Variants in PKD1L3 observed in about 807,000 individuals in gnomAD.
PKD1L3 encodes polycystin 1 like 3, transient receptor potential channel interacting.
A neutral mutation model predicts 184.1 loss-of-function variants in PKD1L3; 239 were observed. The observed-to-expected ratio is 1.30, with a 90% confidence interval of 1.17 to 1.45. PKD1L3 has a LOEUF of 1.45. PKD1L3 is among the 40% of genes most tolerant of loss of function. The probability of loss-of-function intolerance (pLI) is 0.00; values close to 1 mark genes in which losing one functional copy is unlikely to be tolerated. For synonymous variants in PKD1L3, 996 were observed against 778.8 expected (o/e 1.28, Z -4.64); for missense variants, 2,660 against 2,067.2 (o/e 1.29, Z -5.56).
At chr16:71,971,095 A>T (rs920593611) in intron 12 of PKD1L3, among the ~76,000 whole-genome samples, 1 of 152,306 alleles carries the variant, frequency 6.6e-6, no homozygotes, top group Admixed American at 6.5e-5. Flanking sequence ...ATTCGGTGAA[A>T]GAATGAATTC....
rs547302170 is a variant in PKD1L3 at position 71,986,273 on chromosome 16, G to T, written c.782C>A (p.Pro261Gln). Reference sequence around the variant, plus strand: ...TTGTAGATAAGAGGTGAAGGTATTCGGATGACCTTCTTCCTTTGGGCTTGA... The same window carrying T: ...TTGTAGATAAGAGGTGAAGGTATTCTGATGACCTTCTTCCTTTGGGCTTGA... Reference protein sequence around the residue: ...TTSSPKEEGHPNTFTSYLQVS... With the variant: ...TTSSPKEEGHQNTFTSYLQVS... Residue 261 changes from proline (P) to glutamine (Q), a missense_variant, in exon 5 of 30, where the codon CCG becomes CAG. Transcript: ENST00000620267. 1.9e-6 allele frequency: 3 copies of T among 1,552,204 alleles called. No individual in the cohort carries two copies. Among genetic ancestry groups the T allele is most frequent in the African/African-American group, 1.4e-5 (1 of 73,144 alleles).
At chr16:71,936,415 C>T (rs2038178313) in intron 25 of PKD1L3, among the ~76,000 whole-genome samples, 1 of 151,642 alleles carries the variant, frequency 6.6e-6, no homozygotes, top group East Asian at 1.9e-4. Context: ...GTTGGCCAGG[C>T]TGGTCTTGAA....
chr16:71,952,822 A>C (rs1413981325), intron 18 of PKD1L3, 72 bp downstream of exon 18: 1 of 1,453,324 alleles, frequency 6.9e-7, no homozygotes, highest in Admixed American at 2.3e-5. Flanking sequence ...TGTGCAACAG[A>C]GCCAGACCCT....
Position 71,934,831 on chromosome 16 carries a change from G to A in PKD1L3, c.4613+527C>T, listed in dbSNP as rs150518224. Among the ~76,000 whole-genome samples, 1,030 of 152,292 alleles carry A rather than the reference G, an allele frequency of 6.8e-3. 2 individuals are homozygous for A. Among genetic ancestry groups the A allele is most frequent in the Non-Finnish European group, 0.01 (714 of 68,034 alleles). On this transcript the variant is annotated intron_variant, in intron 26 of 29. Coordinates refer to ENST00000620267, the MANE Select transcript of PKD1L3 (RefSeq NM_181536.2). The stretch of plus-strand genomic sequence containing the variant: ...ACCACCCAGGCTGTTGGCCACTGAT[G>A]CAAAGGTTAGCAAAGCACCACTTGG...
At chr16:71,972,996 G>A (rs1160423072) in intron 12 of PKD1L3, among the ~76,000 whole-genome samples, 1 of 152,208 alleles carries the variant, frequency 6.6e-6, no homozygotes, top group Non-Finnish European at 1.5e-5. Flanking sequence ...TTAGCAAGAG[G>A]TTTCATTTTA....
intron 28 of PKD1L3, among the ~76,000 whole-genome samples, chr16:71,933,112 A>G (rs1363233748): frequency 6.6e-6 from 1 of 152,126 alleles, no homozygotes; most frequent in Non-Finnish European, 1.5e-5. Context: ...TGAGAAGCAG[A>G]GAATCTTGTT....
Position 71,951,032 on chromosome 16 carries a change from C to T in PKD1L3, c.3190+532G>A, listed in dbSNP as rs185141633. Among the ~76,000 whole-genome samples the T allele has an allele frequency of 1.2e-4, 18 of 148,018 alleles. No individual in the cohort carries two copies. In the East Asian group the frequency reaches 2.6e-3, roughly 22 times the overall value. On this transcript the variant is annotated intron_variant, in intron 19 of 29. Transcript: ENST00000620267. Reference sequence around the variant, plus strand: ...TGCTGGGATTACAGGCGTGAGCCACCCTGCCCGACCTGTGTTTTTTTCTTT... The same window carrying T: ...TGCTGGGATTACAGGCGTGAGCCACTCTGCCCGACCTGTGTTTTTTTCTTT...
chr16:71,990,285 G>C lies in PKD1L3; in HGVS notation c.580C>G (p.His194Asp). 2 of 1,546,350 alleles carry C rather than the reference G, an allele frequency of 1.3e-6. No homozygotes were observed. Among genetic ancestry groups the C allele is most frequent in the Non-Finnish European group, 1.8e-6 (2 of 1,142,718 alleles). Residue 194 changes from histidine to aspartate, a missense_variant, in exon 4 of 30, where the codon CAT becomes GAT. Coordinates refer to ENST00000620267, the MANE Select transcript of PKD1L3 (RefSeq NM_181536.2). The stretch of plus-strand genomic sequence containing the variant: ...TTGTCAAGGGAAGCACTTACAAGAT[G>C]AGCAGGAAGAGGATAGTGACATGTG... Reference protein sequence around the residue: ...PTTCHYPLPAHLSKTLCHPIS... With the variant: ...PTTCHYPLPADLSKTLCHPIS...
chr16:71,977,241 T>C lies in PKD1L3; in HGVS notation c.1754A>G (p.Gln585Arg), dbSNP rs1318222350. ...GACAGCTGATTGGGTTTTACCTTTT[T>C]GCCACACCTTATCCTTTGGAAGGGT... ...NITLPKDKVW[Q>R]KDEEYTWVLN... The change falls in exon 11 of 30, where the codon CAA (glutamine) becomes CGA (arginine). Residue 585 changes from glutamine to arginine, a missense_variant. By Grantham distance (43) the Gln-to-Arg change is conservative (BLOSUM62 1). Coordinates refer to ENST00000620267, the MANE Select transcript of PKD1L3 (RefSeq NM_181536.2). 2 of 1,521,618 alleles carry C rather than the reference T, an allele frequency of 1.3e-6. No homozygotes were observed. Among genetic ancestry groups the C allele is most frequent in the East Asian group, 2.5e-5 (1 of 40,806 alleles). The allele number at this position is 1,521,618 out of a possible 1,614,324, so 94.3% of individuals were successfully genotyped here. A position where few individuals can be genotyped will look rare whatever the true frequency, so the allele number is the denominator to read the frequency against.
At chr16:71,966,637 G>A (rs1267874395) in intron 15 of PKD1L3, among the ~76,000 whole-genome samples, 1 of 151,924 alleles carries the variant, frequency 6.6e-6, no homozygotes, top group African/African-American at 2.4e-5. Flanking sequence ...TTCCTATGTA[G>A]CTCAGGCTGT....
intron 12 of PKD1L3, among the ~76,000 whole-genome samples, chr16:71,971,726 G>A (rs1301887014): frequency 6.6e-6 from 1 of 152,186 alleles, no homozygotes; most frequent in African/African-American, 2.4e-5. Flanking sequence ...TTAACAAACT[G>A]ATTATAGATT....
chr16:71,961,464 G>A (rs969042477), intron 16 of PKD1L3, among the ~76,000 whole-genome samples: 1 of 152,026 alleles, frequency 6.6e-6, no homozygotes, highest in South Asian at 2.1e-4. Flanking sequence ...GACATAAAAG[G>A]CTAAAGCCCC....
intron 16 of PKD1L3, among the ~76,000 whole-genome samples, chr16:71,958,217 C>G (rs573701975): frequency 6.9e-4 from 105 of 151,538 alleles, no homozygotes; most frequent in African/African-American, 2.3e-3. Context: ...GAAACCCCGT[C>G]TCTACTAAAA....
chr16:71,945,390 ATATATATATT>A (rs200033278), intron 22 of PKD1L3, among the ~76,000 whole-genome samples: 18,361 of 93,922 alleles, frequency 0.2, 1,613 homozygotes, highest in South Asian at 0.48. Context: ...ACACATATAT[ATATATATATT>A]TATTTATTTA....
rs1156916806 is a variant in PKD1L3 at position 71,949,887 on chromosome 16, T to TA, written c.3513dup (p.Thr1172TyrfsTer5). The TA allele has an allele frequency of 2.6e-6, 4 of 1,551,446 alleles. No homozygotes were observed. The highest frequency in any genetic ancestry group is 2.4e-5 in the East Asian group (1 of 40,924). ...CTCAATTCCAAGCTATAAAGTGCTGTAAAAAAGGCTGAAGCCAGGCTAGTG... is the reference window on the plus strand; with the variant it reads ...CTCAATTCCAAGCTATAAAGTGCTGTAAAAAAAGGCTGAAGCCAGGCTAGTG... On this transcript the variant is annotated frameshift_variant, in exon 21 of 30. Transcript: ENST00000620267. LOFTEE classifies it high-confidence loss of function.
intron 13 of PKD1L3, 32 bp downstream of exon 13, chr16:71,969,843 T>C: frequency 1.1e-5 from 17 of 1,519,898 alleles, no homozygotes; most frequent in Non-Finnish European, 1.5e-5. Context: ...CAAAACATCA[T>C]GGCAAATCTG....
chr16:71,960,084 C>T (rs1327018449), intron 16 of PKD1L3, among the ~76,000 whole-genome samples: 1 of 151,664 alleles, frequency 6.6e-6, no homozygotes, highest in Non-Finnish European at 1.5e-5. Flanking sequence ...ATCCATGTCA[C>T]AGCACTCCAG....
chr16:71,990,332 A>G lies in PKD1L3; in HGVS notation c.536-3T>C. Reference sequence around the variant, plus strand: ...TGTGGTTGGAAGATGACCAGGTCCTATAGAAAAAAGAAAGCAGACTAAGTT... The same window carrying G: ...TGTGGTTGGAAGATGACCAGGTCCTGTAGAAAAAAGAAAGCAGACTAAGTT... On this transcript the variant is annotated splice_region_variant and splice_polypyrimidine_tract_variant and intron_variant, in intron 3 of 29. Coordinates refer to ENST00000620267, the MANE Select transcript of PKD1L3 (RefSeq NM_181536.2). 4 of 1,546,046 alleles carry G rather than the reference A, an allele frequency of 2.6e-6. No individual in the cohort carries two copies. The highest frequency in any genetic ancestry group is 2.5e-5 in the East Asian group (1 of 40,796).
At chr16:71,965,523 C>T (rs1230896461) in intron 15 of PKD1L3, among the ~76,000 whole-genome samples, 2 of 97,922 alleles carry the variant, frequency 2.0e-5, no homozygotes, top group Admixed American at 2.1e-4. Context: ...TTCAGTTGCT[C>T]CCCATCCTCC....
Sources: gnomAD v4.1 joint callset for allele counts (sites outside exome capture counted in the v4.1 genomes callset) on GRCh38, gnomAD v4.1.1 for gene constraint, MANE v1.5 for transcripts, NCBI Gene and HGNC (gene_info 2026-07-23, HGNC 2026-07-21) for gene names.